The following SLFN5 variants were observed in gnomAD, a reference collection of about 807,000 sequenced individuals.
The protein encoded by SLFN5 is schlafen family member 5.
In SLFN5, 34 loss-of-function variants were observed where a neutral mutation model predicts 48.5. That is an observed-to-expected ratio of 0.70 (90% CI 0.53 to 0.93). The LOEUF (loss-of-function observed/expected upper bound fraction) is 0.93, where lower values mean the gene tolerates loss of function less well. Ranked by LOEUF, SLFN5 falls within the 40% of genes least tolerant of loss-of-function variation. The pLI is 0.00. For missense variants in SLFN5, 1,006 were observed against 1,071.3 expected, an observed-to-expected ratio of 0.94 and a Z score of 0.85; for synonymous variants, 387 against 396.2, an observed-to-expected ratio of 0.98 and a Z score of 0.28.
chr17:35,245,841 T>C (rs1358698602), intron 1 of SLFN5, among the ~76,000 whole-genome samples: 1 of 145,084 alleles, frequency 6.9e-6, no homozygotes, highest in East Asian at 2.0e-4. Context: ...TTTTTTTTTT[T>C]CCTCTTGGGT....
At position 35,259,442 on chromosome 17, in the gene SLFN5, T is replaced by C. The variant is rs765403007; in HGVS notation, c.752T>C (p.Leu251Ser). The change falls in exon 2 of 5, where the codon TTG (leucine) becomes TCG (serine). Residue 251 changes from leucine (L) to serine (S), a missense_variant. By Grantham distance (145) the Leu-to-Ser change is moderately radical (BLOSUM62 -2). Coordinates refer to ENST00000299977, the MANE Select transcript of SLFN5 (RefSeq NM_144975.4). The part of the protein sequence containing the change: ...CEKEKIDLTS[L>S]RASIDGCIKK... The stretch of plus-strand genomic sequence containing the variant: ...AAAGAGAAAATAGACCTTACGAGCT[T>C]GAGGGCTTCTATTGATGGCTGTATT... 6.2e-7 allele frequency: 1 copy of C among 1,614,214 alleles called. No individual in the cohort carries two copies. Among genetic ancestry groups the C allele is most frequent in the South Asian group, 1.1e-5 (1 of 91,074 alleles).
At position 35,258,968 on chromosome 17, in the gene SLFN5, A is replaced by T. The variant is rs997365116; in HGVS notation, c.278A>T (p.Asn93Ile). The T allele has an allele frequency of 2.5e-6, 4 of 1,614,000 alleles. No homozygotes were observed. The highest frequency in any genetic ancestry group is 3.4e-6 in the Non-Finnish European group (4 of 1,180,026). Residue 93 changes from asparagine to isoleucine, a missense_variant, in exon 2 of 5, where the codon AAC becomes ATC. Physicochemically the swap from Asn to Ile is moderately radical, Grantham distance 149 (BLOSUM62 -3). Transcript: ENST00000299977. ...RSHLDKMQKE[N>I]HFLIFVKSWN... ...CATTTAGATAAGATGCAGAAGGAAA[A>T]CCACTTTTTGATTTTTGTGAAATCA...
rs1362927588 is a variant in SLFN5, at chr17:35,265,732, T to C, written c.2520T>C (p.Ile840=). The C allele has an allele frequency of 1.9e-6, 3 of 1,614,064 alleles. No individual in the cohort carries two copies. The highest frequency in any genetic ancestry group is 2.5e-6 in the Non-Finnish European group (3 of 1,180,042). Residue 840 remains isoleucine (I), a synonymous_variant, in exon 5 of 5, where the codon ATT becomes ATC. Transcript: ENST00000299977. ...GDASDVLTDH[I]VLDSVCRFSG... ...CGTCGGATGTTCTAACCGATCACAT[T>C]GTGTTGGACAGTGTCTGTCGATTTT... is the stretch of plus-strand genomic sequence containing the variant.
In SLFN5 at chr17:35,258,855, G is replaced by A. The variant is rs1189647701; in HGVS notation, c.165G>A (p.Gly55=). The A allele has an allele frequency of 1.9e-6, 3 of 1,614,002 alleles. 1 individual carries two copies. The highest frequency in any genetic ancestry group is 8.5e-7 in the Non-Finnish European group (1 of 1,180,032). ...RAVCALLNSG[G]GIIKAEIENK... is the part of the protein sequence containing the mutation. ...TATGTGCTCTGCTGAATTCTGGTGG[G>A]GGCATAATCAAGGCTGAGATTGAGA... The change falls in exon 2 of 5, where the codon GGG becomes GGA. Residue 55 remains glycine (G), a synonymous_variant. Transcript: ENST00000299977.
At chr17:35,249,455 A>G (rs570179823) in intron 1 of SLFN5, among the ~76,000 whole-genome samples, 1 of 152,244 alleles carries the variant, frequency 6.6e-6, no homozygotes, top group Non-Finnish European at 1.5e-5. Flanking sequence ...AAGGTGATTT[A>G]ACTATAAATA....
Position 35,259,176 on chromosome 17 carries a change from A to C in SLFN5, c.486A>C (p.Val162=). The C allele has an allele frequency of 6.2e-7, 1 of 1,614,162 alleles. No individual in the cohort carries two copies. The highest frequency in any genetic ancestry group is 8.5e-7 in the Non-Finnish European group (1 of 1,180,042). ...SLGPQAAQGS[V]QYEGNINVSA... The stretch of plus-strand genomic sequence containing the variant: ...GTCCACAGGCAGCTCAGGGTAGTGT[A>C]CAATATGAAGGTAACATAAATGTGT... Residue 162 remains valine (V), a synonymous_variant, in exon 2 of 5, where the codon GTA becomes GTC. Coordinates refer to ENST00000299977, the MANE Select transcript of SLFN5 (RefSeq NM_144975.4).
chr17:35,259,154 C>T lies in SLFN5; in HGVS notation c.464C>T (p.Pro155Leu). The part of the protein sequence containing the change: ...TNINVSNSLG[P>L]QAAQGSVQYE... ...ATTAATGTTTCCAATTCATTAGGTC[C>T]ACAGGCAGCTCAGGGTAGTGTACAA... is the stretch of plus-strand genomic sequence containing the variant. Residue 155 changes from proline (P) to leucine (L), a missense_variant, in exon 2 of 5, where the codon CCA becomes CTA. Physicochemically the swap from Pro to Leu is moderately conservative, Grantham distance 98 (BLOSUM62 -3). Transcript: ENST00000299977. 6.2e-7 allele frequency: 1 copy of T among 1,614,068 alleles called. No homozygotes were observed. Among genetic ancestry groups the T allele is most frequent in the Non-Finnish European group, 8.5e-7 (1 of 1,180,016 alleles).
chr17:35,255,629 C>G (rs963385231), intron 1 of SLFN5, among the ~76,000 whole-genome samples: 2 of 152,100 alleles, frequency 1.3e-5, no homozygotes, highest in African/African-American at 4.8e-5. Context: ...AAAGCTTGTA[C>G]TTGTATAACA....
chr17:35,246,188 T>G (rs1229843512), intron 1 of SLFN5, among the ~76,000 whole-genome samples: 1 of 152,254 alleles, frequency 6.6e-6, no homozygotes, highest in East Asian at 1.9e-4. Context: ...TTGGGTTTTT[T>G]TATCATTACT....
Position 35,259,308 on chromosome 17 carries a change from CTG to C in SLFN5, c.622_623del (p.Val208Ter). ...TAATGTTCTCGACAGACGTGTCACA[CTG>C]TGTTAAAGACAGACTTCCGAAGTGT... Reference protein sequence around the residue: ...FVMFSTDVSHCVKDRLPKCVS... With the variant: ...FVMFSTDVSHXVKDRLPKCVS... On this transcript the variant is annotated frameshift_variant, in exon 2 of 5. Transcript: ENST00000299977. LOFTEE classifies it high-confidence loss of function. The C allele has an allele frequency of 1.2e-6, 2 of 1,614,166 alleles. No homozygotes were observed. The highest frequency in any genetic ancestry group is 1.1e-5 in the South Asian group (1 of 91,070).
chr17:35,257,082 A>G (rs1904365535), intron 1 of SLFN5, among the ~76,000 whole-genome samples: 1 of 152,096 alleles, frequency 6.6e-6, no homozygotes, highest in South Asian at 2.1e-4. Context: ...CCATCCTGAA[A>G]CCATCTCCTC....
At chr17:35,260,495 G>C (rs1029414360) in intron 2 of SLFN5, among the ~76,000 whole-genome samples, 7 of 152,138 alleles carry the variant, frequency 4.6e-5, no homozygotes, top group African/African-American at 1.4e-4. Flanking sequence ...GAGGCCGAGG[G>C]GGGCAGATCA....
chr17:35,251,348 G>C (rs1020670624), intron 1 of SLFN5, among the ~76,000 whole-genome samples: 1 of 152,158 alleles, frequency 6.6e-6, no homozygotes, highest in African/African-American at 2.4e-5. Context: ...CTCATTCCCC[G>C]CCTGACCTCA....
chr17:35,251,703 CTTTTTTTTTTTTTT>C (rs34854448), intron 1 of SLFN5, among the ~76,000 whole-genome samples: 1 of 84,970 alleles, frequency 1.2e-5, no homozygotes, highest in Admixed American at 1.5e-4. Flanking sequence ...GGCGCCCGGA[CTTTTTTTTTTTTTT>C]TTTTTTTTTT....
At chr17:35,265,008 G>A in intron 4 of SLFN5, 64 bp from the exon 5 acceptor site, 3 of 1,555,646 alleles carry the variant, frequency 1.9e-6, no homozygotes, top group East Asian at 2.2e-5. Flanking sequence ...TGACCAGAGG[G>A]GTTTAAGAGT....
In SLFN5 at chr17:35,267,678, C is replaced by T. The variant is rs1266375023; in HGVS notation, c.*1790C>T. 1 of 152,112 alleles carries T rather than the reference C, an allele frequency of 6.6e-6. No individual in the cohort carries two copies. Among genetic ancestry groups the T allele is most frequent in the African/African-American group, 2.4e-5 (1 of 41,398 alleles). The allele number at this position is 152,112 out of a possible 1,614,324, so 9.4% of individuals were successfully genotyped here. On this transcript the variant is annotated 3_prime_UTR_variant, in exon 5 of 5. Transcript: ENST00000299977. ...GAGGTTACAGTGAGCTATGATCATA[C>T]CAGTGCACTCCAGTCTGGGTGACAG...
At position 35,271,480 on chromosome 17, in the gene SLFN5, A is replaced by G. The variant is rs1308342397; in HGVS notation, c.*5592A>G. ...AGAAAATACGATGAAAGAAAAAGCC[A>G]TATTATAATTCCAACAAAAAGATAA... On this transcript the variant is annotated 3_prime_UTR_variant, in exon 5 of 5. Transcript: ENST00000299977. 1 of 152,244 alleles carries G rather than the reference A, an allele frequency of 6.6e-6. No individual in the cohort carries two copies. The highest frequency in any genetic ancestry group is 1.9e-4 in the East Asian group (1 of 5,206). The allele number at this position is 152,244 out of a possible 1,614,324, so 9.4% of individuals were successfully genotyped here.
intron 1 of SLFN5, among the ~76,000 whole-genome samples, chr17:35,256,583 G>A (rs9908966): frequency 0.61 from 91,940 of 151,788 alleles, 28,049 homozygotes; most frequent in Middle Eastern, 0.75. Flanking sequence ...GTATATGCAA[G>A]TAGGTTAAAA....
Position 35,256,758 on chromosome 17 carries a change from A to G in SLFN5, c.-40-1893A>G, listed in dbSNP as rs143135134. Among the ~76,000 whole-genome samples the G allele has an allele frequency of 2.4e-3, 369 of 152,300 alleles. 1 individual carries two copies. Among genetic ancestry groups the G allele is most frequent in the Non-Finnish European group, 4.4e-3 (297 of 68,020 alleles). ...TGTGGATACTGAGGTCAATCAGGTCATAAAAAGCCTCTTTTGATCTGATTT... is the reference window on the plus strand; with the variant it reads ...TGTGGATACTGAGGTCAATCAGGTCGTAAAAAGCCTCTTTTGATCTGATTT... On this transcript the variant is annotated intron_variant, in intron 1 of 4. Transcript: ENST00000299977.
Sources: gnomAD v4.1 joint callset for allele counts (sites outside exome capture counted in the v4.1 genomes callset) on GRCh38, gnomAD v4.1.1 for gene constraint, MANE v1.5 for transcripts, NCBI Gene and HGNC (gene_info 2026-07-23, HGNC 2026-07-21) for gene names.